Variants in ANKS1B observed in about 807,000 individuals in gnomAD.
ANKS1B encodes the protein ankyrin repeat and sterile alpha motif domain-containing protein 1B.
ANKS1B carries 36 observed loss-of-function variants against 148.3 expected under a neutral mutation model. That is an observed-to-expected ratio of 0.24 (90% CI 0.19 to 0.32). The LOEUF (loss-of-function observed/expected upper bound fraction) is 0.32, where lower values mean the gene tolerates loss of function less well. Among genes scored for constraint, ANKS1B ranks in the 10% least tolerant of loss-of-function variants. The pLI, the probability that ANKS1B is intolerant of heterozygous loss-of-function variation, is 1.00. For synonymous variants in ANKS1B, 542 were observed against 560.8 expected (o/e 0.97, Z 0.47); for missense variants, 1,157 against 1,542.6 (o/e 0.75, Z 4.19).
At chr12:98,885,538 C>T (rs985265348) in intron 17 of ANKS1B, among the ~76,000 whole-genome samples, 5 of 152,220 alleles carry the variant, frequency 3.3e-5, no homozygotes, top group Admixed American at 1.3e-4. Flanking sequence ...GAAGTGAACA[C>T]TCCAGGGCTG....
At chr12:98,841,273 A>T (rs768043519) in intron 17 of ANKS1B, among the ~76,000 whole-genome samples, 1 of 152,188 alleles carries the variant, frequency 6.6e-6, no homozygotes, top group Non-Finnish European at 1.5e-5. Flanking sequence ...CGCAACATAC[A>T]TGAACACACC....
chr12:98,828,985 A>C (rs1221601264), intron 19 of ANKS1B, among the ~76,000 whole-genome samples, 189 bp downstream of exon 19: 5 of 152,256 alleles, frequency 3.3e-5, no homozygotes, highest in Non-Finnish European at 4.4e-5. Flanking sequence ...GGACATGTGT[A>C]CACATTCCAT....
intron 12 of ANKS1B, among the ~76,000 whole-genome samples, chr12:99,295,974 C>T (rs79371713): frequency 2.8e-3 from 432 of 152,184 alleles, no homozygotes; most frequent in African/African-American, 7.2e-3. Flanking sequence ...TTAGAGTTTT[C>T]GGCTTTATAT....
At chr12:99,173,795 A>G (rs1266222332) in intron 14 of ANKS1B, among the ~76,000 whole-genome samples, 1 of 151,698 alleles carries the variant, frequency 6.6e-6, no homozygotes, top group Non-Finnish European at 1.5e-5. Flanking sequence ...GATAACCACA[A>G]TTTTCCTTGG....
intron 12 of ANKS1B, among the ~76,000 whole-genome samples, chr12:99,249,697 GAC>G (rs1249929361): frequency 6.6e-6 from 1 of 152,172 alleles, no homozygotes; most frequent in African/African-American, 2.4e-5. Flanking sequence ...GCTCCCTGCA[GAC>G]ACAGCCCTCC....
chr12:99,818,345 G>C (rs7487841), intron 2 of ANKS1B, among the ~76,000 whole-genome samples: 95,427 of 151,572 alleles, frequency 0.63, 30,371 homozygotes, highest in South Asian at 0.73. Context: ...TTGGTTCCAC[G>C]ATTTTGCAGC....
intron 22 of ANKS1B, chr12:98,794,713 T>C (rs1029639627): frequency 3.1e-6 from 3 of 953,660 alleles, no homozygotes; most frequent in Non-Finnish European, 5.1e-6. Context: ...ACCGTAGAAA[T>C]GAACCTATCA....
chr12:99,374,832 ATTTAT>A lies in ANKS1B; in HGVS notation c.1756+24794_1756+24798del, dbSNP rs990730094. On this transcript the variant is annotated intron_variant, in intron 12 of 26. Transcript: ENST00000683438. ...GGTTTCAATGTGAATTTGTTTACTT[ATTTAT>A]TTTATTTTTTTACCTAAGATCCAGG... Among the ~76,000 whole-genome samples, 7 of 152,158 alleles carry A rather than the reference ATTTAT, an allele frequency of 4.6e-5. No individual in the cohort carries two copies. In the East Asian group the frequency reaches 7.7e-4, roughly 17 times the overall value.
At chr12:99,210,276 CTCTT>C (rs1007384445) in intron 14 of ANKS1B, among the ~76,000 whole-genome samples, 15 of 152,228 alleles carry the variant, frequency 9.9e-5, no homozygotes, top group African/African-American at 3.4e-4. Context: ...TGTTTCTTTC[CTCTT>C]TCTTTAACTC....
At chr12:99,213,100 C>T (rs1492256) in intron 14 of ANKS1B, among the ~76,000 whole-genome samples, 18,551 of 152,178 alleles carry the variant, frequency 0.12, 1,360 homozygotes, top group South Asian at 0.25. Context: ...TGCTATTTCT[C>T]TGTCTTTGTC....
intron 17 of ANKS1B, among the ~76,000 whole-genome samples, chr12:99,023,656 CA>C: frequency 6.6e-6 from 1 of 151,972 alleles, no homozygotes; most frequent in East Asian, 1.9e-4. Context: ...TGACTTTAAT[CA>C]AATCAATTAA....
chr12:99,582,126 C>T (rs2097576866), intron 9 of ANKS1B, among the ~76,000 whole-genome samples: 1 of 151,724 alleles, frequency 6.6e-6, no homozygotes, highest in Non-Finnish European at 1.5e-5. Flanking sequence ...CATCATTGAT[C>T]ATTAGGGAAA....
chr12:99,979,747 T>G (rs2153857711), intron 1 of ANKS1B, among the ~76,000 whole-genome samples: 1 of 152,200 alleles, frequency 6.6e-6, no homozygotes, highest in African/African-American at 2.4e-5. Context: ...CAGTGTGAAT[T>G]TAGAAAGGCA....
chr12:99,744,590 T>C (rs2060414667), intron 8 of ANKS1B, among the ~76,000 whole-genome samples: 1 of 152,206 alleles, frequency 6.6e-6, no homozygotes, highest in Non-Finnish European at 1.5e-5. Context: ...TCTTCAGTAC[T>C]AAAATTAAAG....
At chr12:99,205,561 G>T (rs1360638577) in intron 14 of ANKS1B, among the ~76,000 whole-genome samples, 1 of 152,178 alleles carries the variant, frequency 6.6e-6, no homozygotes, top group Non-Finnish European at 1.5e-5. Context: ...CCCTTTTCAG[G>T]TCCCCTGTCT....
At chr12:98,950,428 C>T (rs1165192350) in intron 17 of ANKS1B, among the ~76,000 whole-genome samples, 9 of 152,070 alleles carry the variant, frequency 5.9e-5, no homozygotes, top group South Asian at 4.1e-4. Flanking sequence ...ACCTGGGAGG[C>T]GGATGTTGCA....
chr12:98,924,002 T>C (rs148775382), intron 17 of ANKS1B, among the ~76,000 whole-genome samples: 1 of 152,234 alleles, frequency 6.6e-6, no homozygotes, highest in South Asian at 2.1e-4. Flanking sequence ...ACTTGGGCTG[T>C]AAGCAAGTAA....
rs879173702 is a variant in ANKS1B, at chr12:99,369,791, T to TAGATAGATGGATGGAC, written c.1756+29839_1756+29840insGTCCATCCATCTATCT. On this transcript the variant is annotated intron_variant, in intron 12 of 26. Transcript: ENST00000683438. The stretch of plus-strand genomic sequence containing the variant: ...ATAGATAGATAGATAGATAGATAGA[T>TAGATAGATGGATGGAC]GGACGGACGGACAGACGGACGGACG... Among the ~76,000 whole-genome samples the TAGATAGATGGATGGAC allele has an allele frequency of 8.9e-4, 133 of 148,890 alleles. 2 individuals are homozygous for TAGATAGATGGATGGAC. The East Asian group carries it at 0.019, about 21-fold the overall frequency.
At chr12:99,004,140 C>T (rs1393234766) in intron 17 of ANKS1B, among the ~76,000 whole-genome samples, 1 of 152,156 alleles carries the variant, frequency 6.6e-6, no homozygotes, top group Non-Finnish European at 1.5e-5. Flanking sequence ...TCAGAGGGAG[C>T]AGCTCTAACA....
Sources: gnomAD v4.1 joint callset for allele counts (sites outside exome capture counted in the v4.1 genomes callset) on GRCh38, gnomAD v4.1.1 for gene constraint, MANE v1.5 for transcripts, NCBI Gene and HGNC (gene_info 2026-07-23, HGNC 2026-07-21) for gene names.